The following MALRD1 variants were observed in gnomAD, a reference collection of about 807,000 sequenced individuals.
The protein encoded by MALRD1 is MAM and LDL-receptor class A domain-containing protein 1.
In MALRD1, 247 loss-of-function variants were observed where a neutral mutation model predicts 242.1. That is an observed-to-expected ratio of 1.02 (90% CI 0.92 to 1.13). The LOEUF is 1.13. Among genes scored for constraint, MALRD1 ranks in the 50% most tolerant of loss-of-function variants. The pLI, the probability that MALRD1 is intolerant of heterozygous loss-of-function variation, is 0.00. For synonymous variants in MALRD1, 995 were observed against 866.6 expected (o/e 1.15, Z -2.60); for missense variants, 2,989 against 2,533.1 (o/e 1.18, Z -3.86).
chr10:19,248,911 G>A (rs1839178565), intron 18 of MALRD1, among the ~76,000 whole-genome samples: 1 of 146,630 alleles, frequency 6.8e-6, no homozygotes, highest in South Asian at 2.1e-4. Context: ...TATATCATAT[G>A]TGTATATGTT....
chr10:19,097,313 A>G (rs1836077325), intron 4 of MALRD1, among the ~76,000 whole-genome samples: 1 of 152,158 alleles, frequency 6.6e-6, no homozygotes, highest in Non-Finnish European at 1.5e-5. Flanking sequence ...ATTATGTTAA[A>G]GCATTACAGG....
chr10:19,142,104 G>A (rs1455856336), intron 10 of MALRD1, among the ~76,000 whole-genome samples: 19 of 145,970 alleles, frequency 1.3e-4, no homozygotes, highest in African/African-American at 4.8e-4. Flanking sequence ...CCCGGGAGGC[G>A]GAGCTTGCAG....
intron 28 of MALRD1, among the ~76,000 whole-genome samples, chr10:19,443,996 A>G (rs936154160): frequency 7.9e-5 from 12 of 152,154 alleles, no homozygotes; most frequent in African/African-American, 2.7e-4. Context: ...GTGCTCCTGT[A>G]TTGGGTGCAT....
chr10:19,104,034 T>C lies in MALRD1; in HGVS notation c.653T>C (p.Ile218Thr). The C allele has an allele frequency of 8.1e-7, 1 of 1,233,896 alleles. No individual in the cohort carries two copies. The highest frequency in any genetic ancestry group is 1.0e-6 in the Non-Finnish European group (1 of 988,114). The allele number at this position is 1,233,896 out of a possible 1,614,324, so 76.4% of individuals were successfully genotyped here. A position where few individuals can be genotyped will look rare whatever the true frequency, so the allele number is the denominator to read the frequency against. The change falls in exon 5 of 40, where the codon ATT becomes ACT. Residue 218 changes from isoleucine (I) to threonine (T), a missense_variant. Ile to Thr is a moderately conservative substitution (Grantham distance 89). Transcript: ENST00000454679. ...STYEQDEVIA[I>T]DDISFSSGCL... ...TATGAACAGGATGAAGTCATTGCTATTGATGATATATCTTTCAGTTCAGGC... is the reference window on the plus strand; with the variant it reads ...TATGAACAGGATGAAGTCATTGCTACTGATGATATATCTTTCAGTTCAGGC...
At chr10:19,232,041 C>T (rs541198681) in intron 18 of MALRD1, among the ~76,000 whole-genome samples, 57 of 151,876 alleles carry the variant, frequency 3.8e-4, no homozygotes, top group Admixed American at 1.9e-3. Context: ...GCTCTGAAAA[C>T]GTTAGTATTA....
At position 19,498,666 on chromosome 10, in the gene MALRD1, C is replaced by A. The variant is rs1290325823; in HGVS notation, c.5320+20C>A. 1.2e-5 allele frequency: 19 copies of A among 1,537,610 alleles called. No homozygotes were observed. The highest frequency in any genetic ancestry group is 1.6e-5 in the Non-Finnish European group (18 of 1,139,054). ...CGCCAGGTAAATCTAGTAGCCATCC[C>A]CAGACCAAGAAACCCACTCATCTTA... On this transcript the variant is annotated intron_variant, in intron 31 of 39. Coordinates refer to ENST00000454679, the MANE Select transcript of MALRD1 (RefSeq NM_001142308.3).
upstream of MALRD1, among the ~76,000 whole-genome samples, chr10:19,047,518 G>A (rs1423000896): frequency 1.3e-5 from 2 of 152,036 alleles, no homozygotes; most frequent in East Asian, 1.9e-4. Context: ...AATCTTAGGA[G>A]AAAGGAGAAC....
chr10:19,238,673 T>C (rs1838612069), intron 18 of MALRD1, among the ~76,000 whole-genome samples: 1 of 132,308 alleles, frequency 7.6e-6, no homozygotes. Context: ...AACATAAGAG[T>C]GCAGATATTT....
At chr10:19,602,331 G>A (rs1838395692) in intron 34 of MALRD1, among the ~76,000 whole-genome samples, 2 of 148,380 alleles carry the variant, frequency 1.3e-5, no homozygotes, top group Admixed American at 6.7e-5. Flanking sequence ...ATCTCCTAAT[G>A]CTATCCCTCC....
At chr10:19,198,095 C>T (rs112371253) in intron 14 of MALRD1, among the ~76,000 whole-genome samples, 4 of 152,060 alleles carry the variant, frequency 2.6e-5, no homozygotes, top group Admixed American at 1.3e-4. Context: ...GGCATGATCT[C>T]GGCTCACTGC....
intron 38 of MALRD1, among the ~76,000 whole-genome samples, chr10:19,692,874 T>TATATATATAC (rs371295257): frequency 3.6e-4 from 11 of 30,980 alleles, no homozygotes; most frequent in Non-Finnish European, 9.9e-4. Context: ...AAATTATATA[T>TATATATATAC]ATATATATAT....
intron 26 of MALRD1, among the ~76,000 whole-genome samples, chr10:19,361,944 T>C (rs1199830337): frequency 6.6e-6 from 1 of 151,462 alleles, no homozygotes; most frequent in Non-Finnish European, 1.5e-5. Context: ...AAGATTCAAA[T>C]TTTTTTCCCA....
At chr10:19,576,945 T>C (rs1315192333) in intron 33 of MALRD1, among the ~76,000 whole-genome samples, 4 of 149,440 alleles carry the variant, frequency 2.7e-5, no homozygotes, top group African/African-American at 9.9e-5. Flanking sequence ...TTCCTCCTCA[T>C]TGAAAAATCC....
At chr10:19,188,386 G>T (rs1835828967) in intron 14 of MALRD1, among the ~76,000 whole-genome samples, 1 of 152,104 alleles carries the variant, frequency 6.6e-6, no homozygotes. Flanking sequence ...CTTTTGATTG[G>T]ATGTTTTCAA....
Position 19,324,061 on chromosome 10 carries a change from G to A in MALRD1, c.3532G>A (p.Val1178Met). The A allele has an allele frequency of 6.4e-7, 1 of 1,550,514 alleles. No homozygotes were observed. Among genetic ancestry groups the A allele is most frequent in the Non-Finnish European group, 8.7e-7 (1 of 1,146,868 alleles). ...ACTCACGGGACCAAAATGTACCTTGGTGTTCTGGACACATATGAATGGGGC... is the reference window on the plus strand; with the variant it reads ...ACTCACGGGACCAAAATGTACCTTGATGTTCTGGACACATATGAATGGGGC... The part of the protein sequence containing the change: ...ISLTGPKCTL[V>M]FWTHMNGATV... Residue 1178 changes from valine (V) to methionine (M), a missense_variant, in exon 22 of 40, where the codon GTG becomes ATG. Val to Met is a conservative substitution (Grantham distance 21). Transcript: ENST00000454679.
At chr10:19,211,988 C>T (rs951091905) in intron 18 of MALRD1, among the ~76,000 whole-genome samples, 9 of 152,074 alleles carry the variant, frequency 5.9e-5, no homozygotes, top group African/African-American at 2.2e-4. Flanking sequence ...ATACAGGAAC[C>T]AGTTTACTTG....
At chr10:19,301,750 A>G (rs2496074) in intron 21 of MALRD1, among the ~76,000 whole-genome samples, 1 of 151,524 alleles carries the variant, frequency 6.6e-6, no homozygotes. Context: ...TTGAAATGCT[A>G]CCTGTTGGGT....
intron 2 of MALRD1, among the ~76,000 whole-genome samples, chr10:19,076,332 T>C (rs1835317517): frequency 6.6e-6 from 1 of 151,976 alleles, no homozygotes. Flanking sequence ...CTTATTTATT[T>C]ATTTACTTCT....
chr10:19,164,888 A>T (rs74118813), intron 12 of MALRD1, among the ~76,000 whole-genome samples: 1,608 of 152,178 alleles, frequency 0.011, 23 homozygotes, highest in African/African-American at 0.035. Context: ...CTACCCTCAA[A>T]GAATGTTGTC....
Sources: gnomAD v4.1 joint callset for allele counts (sites outside exome capture counted in the v4.1 genomes callset) on GRCh38, gnomAD v4.1.1 for gene constraint, MANE v1.5 for transcripts, NCBI Gene and HGNC (gene_info 2026-07-23, HGNC 2026-07-21) for gene names.